Variants in PTPRO observed in about 807,000 individuals in gnomAD.
PTPRO encodes the protein receptor-type tyrosine-protein phosphatase O.
PTPRO carries 62 observed loss-of-function variants against 145.2 expected under a neutral mutation model. The observed-to-expected ratio is 0.43, with a 90% CI of 0.35 to 0.53. The LOEUF (loss-of-function observed/expected upper bound fraction) is 0.53, where lower values mean the gene tolerates loss of function less well. PTPRO is among the 20% of genes least tolerant of loss of function. The pLI is 0.01. For synonymous variants in PTPRO, 565 were observed against 514.7 expected (o/e 1.10, Z -1.32); for missense variants, 1,345 against 1,482.7 (o/e 0.91, Z 1.53).
At chr12:15,379,793 C>T (rs1396808083) in intron 1 of PTPRO, among the ~76,000 whole-genome samples, 1 of 151,932 alleles carries the variant, frequency 6.6e-6, no homozygotes, top group African/African-American at 2.4e-5. Flanking sequence ...TGGGGGATGA[C>T]TGGTAATGTA....
In PTPRO at chr12:15,409,575, A is replaced by G. The variant is rs530432378; in HGVS notation, c.76-74399A>G. ...AGAAATGCCTGATACTGGATAATTC[A>G]TAAAGAAAAGAACTTTAATGGGTTC... On this transcript the variant is annotated intron_variant, in intron 1 of 26. Transcript: ENST00000281171. 3.3e-5 allele frequency among the ~76,000 whole-genome samples: 5 copies of G among 152,300 alleles called. No individual in the cohort carries two copies. In the East Asian group the frequency reaches 9.6e-4, roughly 29 times the overall value.
At chr12:15,427,720 C>T (rs887290693) in intron 1 of PTPRO, among the ~76,000 whole-genome samples, 1 of 151,744 alleles carries the variant, frequency 6.6e-6, no homozygotes, top group Non-Finnish European at 1.5e-5. Context: ...TAGACCTTCA[C>T]TAAAATGTTA....
rs550105255 is a variant in PTPRO, at chr12:15,508,582, G to C, written c.1279G>C (p.Glu427Gln). 5.3e-5 allele frequency: 86 copies of C among 1,614,020 alleles called. No homozygotes were observed. In the East Asian group the frequency reaches 9.4e-4, roughly 18 times the overall value. The change falls in exon 7 of 27, where the codon GAG becomes CAG. Residue 427 changes from glutamate (E) to glutamine (Q), a missense_variant. Physicochemically the swap from Glu to Gln is conservative, Grantham distance 29. This residue lies in a region of PTPRO where 1,130 missense variants were observed against 1,214.7 expected (regional missense o/e 0.93). Coordinates refer to ENST00000281171, the MANE Select transcript of PTPRO (RefSeq NM_030667.3). The stretch of plus-strand genomic sequence containing the variant: ...TTTGAAATGTGCAGGTCCTTCAGGA[G>C]AGTGGATTGAAGAACTGACCGAGAA... Reference protein sequence around the residue: ...SLSFYISPSGEWIEELTEKPQ... With the variant: ...SLSFYISPSGQWIEELTEKPQ...
At chr12:15,544,429 C>T (rs536714698) in intron 12 of PTPRO, among the ~76,000 whole-genome samples, 71 of 142,250 alleles carry the variant, frequency 5.0e-4, no homozygotes, top group African/African-American at 1.7e-3. Context: ...TTTTTGAACC[C>T]GGGAGGCAGA....
intron 1 of PTPRO, among the ~76,000 whole-genome samples, chr12:15,367,795 G>T (rs67193874): frequency 0.38 from 58,304 of 151,902 alleles, 13,604 homozygotes; most frequent in African/African-American, 0.67. Flanking sequence ...CCACCCCAAA[G>T]GAAATGAAGT....
chr12:15,516,647 GAGGT>G lies in PTPRO; in HGVS notation c.1586-110_1586-107del, dbSNP rs375429209. 180 of 869,030 alleles carry G rather than the reference GAGGT, an allele frequency of 2.1e-4. 1 individual carries two copies. The highest frequency in any genetic ancestry group is 1.7e-3 in the African/African-American group (103 of 59,142). 53.8% of individuals were successfully genotyped at this position (869,030 alleles called of 1,614,324 possible). A position where few individuals can be genotyped will look rare whatever the true frequency, so the allele number is the denominator to read the frequency against. On this transcript the variant is annotated intron_variant, in intron 8 of 26. Transcript: ENST00000281171. ...GAAGGAAGGAAGGAAGGGAGGGAGGGAGGTAGGTATTGTATCAGAGAGTGAAAAC... is the reference window on the plus strand; with the variant it reads ...GAAGGAAGGAAGGAAGGGAGGGAGGGAGGTATTGTATCAGAGAGTGAAAAC...
At chr12:15,349,805 T>C (rs1051588755) in intron 1 of PTPRO, among the ~76,000 whole-genome samples, 12 of 152,100 alleles carry the variant, frequency 7.9e-5, no homozygotes, top group Non-Finnish European at 1.8e-4. Context: ...AGAGATTTAA[T>C]AGGTAAAATT....
rs986639683 is a variant in PTPRO at position 15,597,607 on chromosome 12, A to G, written c.*1534A>G. Among the ~76,000 whole-genome samples, 1 of 152,190 alleles carries G rather than the reference A, an allele frequency of 6.6e-6. No homozygotes were observed. Among genetic ancestry groups the G allele is most frequent in the Non-Finnish European group, 1.5e-5 (1 of 68,044 alleles). On this transcript the variant is annotated 3_prime_UTR_variant, in exon 27 of 27. Coordinates refer to ENST00000281171, the MANE Select transcript of PTPRO (RefSeq NM_030667.3). Reference sequence around the variant, plus strand: ...CACCCCACCGTCTCTTGTCACTGAAAAGGCTTGGCCATGGCAGACCTTGGC... The same window carrying G: ...CACCCCACCGTCTCTTGTCACTGAAGAGGCTTGGCCATGGCAGACCTTGGC...
chr12:15,498,087 G>A (rs1942145520), intron 3 of PTPRO, among the ~76,000 whole-genome samples: 1 of 151,766 alleles, frequency 6.6e-6, no homozygotes, highest in African/African-American at 2.4e-5. Context: ...GGTGGGGGTG[G>A]GAGGTAGGTA....
intron 1 of PTPRO, among the ~76,000 whole-genome samples, chr12:15,441,296 T>A (rs752752435): frequency 1.3e-5 from 2 of 152,186 alleles, no homozygotes; most frequent in Non-Finnish European, 2.9e-5. Flanking sequence ...TTAAAAATTA[T>A]TTGAAATAAA....
chr12:15,518,480 C>T (rs1478518891), intron 9 of PTPRO, among the ~76,000 whole-genome samples: 1 of 152,224 alleles, frequency 6.6e-6, no homozygotes, highest in Non-Finnish European at 1.5e-5. Flanking sequence ...CTCCTCATTA[C>T]TTATTCAAAT....
chr12:15,586,140 C>T (rs1944425240), intron 23 of PTPRO, among the ~76,000 whole-genome samples: 1 of 152,180 alleles, frequency 6.6e-6, no homozygotes. Flanking sequence ...AAAACTGAAG[C>T]TCAGTGAGTC....
chr12:15,567,207 T>C lies in PTPRO; in HGVS notation c.2747+1579T>C, dbSNP rs552910504. 1.1e-3 allele frequency among the ~76,000 whole-genome samples: 173 copies of C among 152,266 alleles called. No individual in the cohort carries two copies. The South Asian group carries it at 0.017, about 15-fold the overall frequency. ...CACCTTCCCCCCTCTCATTTTCCTTTGACTCCTCTCTCCTTCTCTAGAAGA... is the reference window on the plus strand; with the variant it reads ...CACCTTCCCCCCTCTCATTTTCCTTCGACTCCTCTCTCCTTCTCTAGAAGA... On this transcript the variant is annotated intron_variant, in intron 18 of 26. Transcript: ENST00000281171.
intron 10 of PTPRO, among the ~76,000 whole-genome samples, chr12:15,524,525 G>A (rs1308535087): frequency 1.3e-5 from 2 of 152,134 alleles, no homozygotes; most frequent in Non-Finnish European, 2.9e-5. Flanking sequence ...GAACTTTTTA[G>A]GAATTTTGTA....
At chr12:15,432,361 C>G (rs1940465871) in intron 1 of PTPRO, among the ~76,000 whole-genome samples, 1 of 152,178 alleles carries the variant, frequency 6.6e-6, no homozygotes, top group African/African-American at 2.4e-5. Context: ...GCATAGTATT[C>G]TATGATGTAT....
chr12:15,438,549 A>G (rs978923724), intron 1 of PTPRO, among the ~76,000 whole-genome samples: 1 of 152,048 alleles, frequency 6.6e-6, no homozygotes, highest in Non-Finnish European at 1.5e-5. Flanking sequence ...ACTCACGTAA[A>G]GAATTCCAAA....
At chr12:15,568,159 GT>G (rs1480407451) in intron 18 of PTPRO, among the ~76,000 whole-genome samples, 1 of 152,162 alleles carries the variant, frequency 6.6e-6, no homozygotes, top group African/African-American at 2.4e-5. Flanking sequence ...GCCAGGTGCA[GT>G]GGCTCACACC....
At chr12:15,511,664 C>G (rs1000662870) in intron 7 of PTPRO, among the ~76,000 whole-genome samples, 1 of 152,176 alleles carries the variant, frequency 6.6e-6, no homozygotes, top group African/African-American at 2.4e-5. Flanking sequence ...CTCCTGGGTT[C>G]AAGCGATTCT....
chr12:15,580,963 C>A, intron 22 of PTPRO, 132 bp downstream of exon 22: 1 of 1,273,968 alleles, frequency 7.8e-7, no homozygotes, highest in Non-Finnish European at 1.1e-6. Context: ...ACATTGTATT[C>A]GGGAAGCAAG....
Sources: gnomAD v4.1 joint callset for allele counts (sites outside exome capture counted in the v4.1 genomes callset) on GRCh38, gnomAD v4.1.1 for gene constraint, gnomAD v4.1.1 regional missense constraint, MANE v1.5 for transcripts, NCBI Gene and HGNC (gene_info 2026-07-23, HGNC 2026-07-21) for gene names.